The following MEMO1 variants were observed in gnomAD, a reference collection of about 807,000 sequenced individuals.
MEMO1 encodes the protein mediator of cell motility 1.
Under a neutral mutation model 45.2 loss-of-function variants are expected in MEMO1, and 6 were observed. The ratio of observed to expected loss-of-function variants is 0.13; its 90% CI spans 0.07 to 0.26. MEMO1 has a LOEUF of 0.26. MEMO1 is among the 10% of genes least tolerant of loss of function. The probability of loss-of-function intolerance (pLI) is 1.00; values close to 1 mark genes in which losing one functional copy is unlikely to be tolerated. For synonymous variants in MEMO1, 78 were observed against 124.3 expected (o/e 0.63, Z 2.48); for missense variants, 184 against 370.5 (o/e 0.50, Z 4.13).
intron 6 of MEMO1, among the ~76,000 whole-genome samples, chr2:31,898,062 C>CAT (rs2148023472): frequency 6.6e-6 from 1 of 151,932 alleles, no homozygotes; most frequent in South Asian, 2.1e-4. Flanking sequence ...GTGGTGATAT[C>CAT]CTCTTTATCA....
At chr2:31,967,241 A>G (rs1668741287) in intron 2 of MEMO1, among the ~76,000 whole-genome samples, 1 of 151,156 alleles carries the variant, frequency 6.6e-6, no homozygotes, top group Admixed American at 6.6e-5. Flanking sequence ...CTCCTGCCTC[A>G]GCCTCCTGAG....
chr2:31,902,310 A>G (rs973884283), intron 6 of MEMO1, among the ~76,000 whole-genome samples: 2 of 151,976 alleles, frequency 1.3e-5, no homozygotes, highest in Non-Finnish European at 2.9e-5. Context: ...AGGCACGAGA[A>G]TCATTTGAAC....
At chr2:31,872,489 C>G (rs1347891975) in intron 8 of MEMO1, among the ~76,000 whole-genome samples, 1 of 152,100 alleles carries the variant, frequency 6.6e-6, no homozygotes, top group Non-Finnish European at 1.5e-5. Flanking sequence ...TCAGAACAAA[C>G]ATCACATTTA....
intron 6 of MEMO1, among the ~76,000 whole-genome samples, chr2:31,916,605 A>G (rs1681481454): frequency 6.6e-6 from 1 of 152,214 alleles, no homozygotes; most frequent in Admixed American, 6.5e-5. Context: ...ACAATATTCA[A>G]TTGTCTTTTC....
chr2:31,885,402 G>A (rs765407409), intron 7 of MEMO1, among the ~76,000 whole-genome samples: 1 of 152,250 alleles, frequency 6.6e-6, no homozygotes, highest in East Asian at 1.9e-4. Context: ...TTACAGGCGT[G>A]AGCCACCACA....
At chr2:31,899,355 G>A (rs968826625) in intron 6 of MEMO1, among the ~76,000 whole-genome samples, 2 of 152,138 alleles carry the variant, frequency 1.3e-5, no homozygotes, top group African/African-American at 4.8e-5. Context: ...CAATGGAACA[G>A]AACAGAGGCC....
chr2:31,913,267 A>AAAAAAAAG, intron 6 of MEMO1, among the ~76,000 whole-genome samples: 1 of 151,682 alleles, frequency 6.6e-6, no homozygotes, highest in South Asian at 2.1e-4. Flanking sequence ...AAAAAAAAAA[A>AAAAAAAAG]AAAGCAGAAA....
At chr2:31,870,181 T>C (rs1572518332) in intron 8 of MEMO1, among the ~76,000 whole-genome samples, 1 of 152,050 alleles carries the variant, frequency 6.6e-6, no homozygotes, top group Middle Eastern at 3.4e-3. Context: ...CCCAGTTTAT[T>C]TTCTCCAAAC....
chr2:31,969,588 T>TGTGG (rs1669098626), intron 2 of MEMO1, among the ~76,000 whole-genome samples: 1 of 16,582 alleles, frequency 6.0e-5, no homozygotes, highest in Non-Finnish European at 1.5e-4. Context: ...TGTGTGTGGG[T>TGTGG]GTGTGTGTGT....
intron 2 of MEMO1, among the ~76,000 whole-genome samples, chr2:32,007,787 C>T (rs1196935076): frequency 1.3e-4 from 20 of 152,188 alleles, no homozygotes; most frequent in Admixed American, 1.3e-3. Context: ...TGTAGGTACA[C>T]TGACAAATAT....
intron 2 of MEMO1, among the ~76,000 whole-genome samples, chr2:31,996,086 T>C (rs2148570751): frequency 6.6e-6 from 1 of 151,426 alleles, no homozygotes; most frequent in East Asian, 1.9e-4. Context: ...GCACACCAAA[T>C]AATATAAAAT....
At chr2:31,953,422 T>G (rs1344018459) in intron 2 of MEMO1, among the ~76,000 whole-genome samples, 1 of 151,686 alleles carries the variant, frequency 6.6e-6, no homozygotes, top group Non-Finnish European at 1.5e-5. Context: ...AGAAATGGAC[T>G]TACTATGTAA....
chr2:31,939,395 A>T (rs1466678245), intron 3 of MEMO1, among the ~76,000 whole-genome samples: 1 of 152,210 alleles, frequency 6.6e-6, no homozygotes, highest in Non-Finnish European at 1.5e-5. Context: ...GGTAACTTGG[A>T]AATCAACATA....
chr2:31,978,760 G>C (rs967538204), intron 2 of MEMO1, among the ~76,000 whole-genome samples: 1 of 152,148 alleles, frequency 6.6e-6, no homozygotes, highest in East Asian at 1.9e-4. Flanking sequence ...CCCAAACACT[G>C]GATACCATTA....
intron 6 of MEMO1, among the ~76,000 whole-genome samples, chr2:31,914,113 G>A (rs2148132450): frequency 6.6e-6 from 1 of 152,324 alleles, no homozygotes; most frequent in South Asian, 2.1e-4. Context: ...TGTGCCTCAA[G>A]AAGACAACCA....
chr2:31,870,104 C>CA, intron 8 of MEMO1, 152 bp from the exon 9 acceptor site: 1 of 620,996 alleles, frequency 1.6e-6, no homozygotes, highest in Non-Finnish European at 2.4e-6. Context: ...TGTGAAACAT[C>CA]AAACTCATTC....
chr2:31,964,872 G>C (rs1668427538), intron 2 of MEMO1, among the ~76,000 whole-genome samples: 1 of 151,878 alleles, frequency 6.6e-6, no homozygotes, highest in East Asian at 1.9e-4. Flanking sequence ...CTTTTCACAG[G>C]TGTTCAAGTT....
chr2:31,933,757 C>G (rs1217101121), intron 3 of MEMO1, among the ~76,000 whole-genome samples: 3 of 152,086 alleles, frequency 2.0e-5, no homozygotes, highest in African/African-American at 7.2e-5. Flanking sequence ...CGTAGTCACT[C>G]TAGCCCTATA....
intron 2 of MEMO1, among the ~76,000 whole-genome samples, chr2:32,002,144 CAAAA>C (rs1156408005): frequency 0.087 from 4,725 of 54,092 alleles, 60 homozygotes; most frequent in Middle Eastern, 0.12. Flanking sequence ...GACTCTGTCT[CAAAA>C]AAAAAAAAAA....
Sources: allele counts gnomAD v4.1 joint callset (sites outside exome capture counted in the v4.1 genomes callset), GRCh38; gene constraint gnomAD v4.1.1; transcripts MANE v1.5; gene names NCBI Gene and HGNC (gene_info 2026-07-23, HGNC 2026-07-21).